The following RIT2 variants were observed in gnomAD, a reference collection of about 807,000 sequenced individuals.
The protein encoded by RIT2 is GTP-binding protein Rit2.
RIT2 carries 24 observed loss-of-function variants against 23.7 expected under a neutral mutation model. The observed-to-expected ratio is 1.01, with a 90% CI of 0.73 to 1.43. The LOEUF is 1.43. RIT2 is among the 40% of genes most tolerant of loss of function. The probability of loss-of-function intolerance (pLI) is 0.00; values close to 1 mark genes in which losing one functional copy is unlikely to be tolerated. For synonymous variants in RIT2, 107 were observed against 91.1 expected (o/e 1.17, Z -0.99); for missense variants, 236 against 266.9 (o/e 0.88, Z 0.81).
At chr18:42,825,187 A>G in intron 4 of RIT2, among the ~76,000 whole-genome samples, 1 of 152,040 alleles carries the variant, frequency 6.6e-6, no homozygotes, top group South Asian at 2.1e-4. Context: ...TATAATCTCT[A>G]AAGACAAAAT....
chr18:42,930,984 G>A (rs1909311407), intron 3 of RIT2, among the ~76,000 whole-genome samples: 1 of 152,010 alleles, frequency 6.6e-6, no homozygotes, highest in East Asian at 1.9e-4. Context: ...TTCTAGTTTT[G>A]TTCTCTTTTG....
At position 42,920,769 on chromosome 18, in the gene RIT2, G is replaced by C. The variant is rs370922175; in HGVS notation, c.426+2803C>G. The stretch of plus-strand genomic sequence containing the variant: ...AACTCTTTCAGTGTAGGCTGATAAG[G>C]AATAAGAATTGCTTAGTGAGAATCC... On this transcript the variant is annotated intron_variant, in intron 4 of 4. Coordinates refer to ENST00000326695, the MANE Select transcript of RIT2 (RefSeq NM_002930.4). The C allele has an allele frequency of 7.5e-5, 118 of 1,580,676 alleles. No homozygotes were observed. In the African/African-American group the frequency reaches 1.4e-3, roughly 19 times the overall value.
intron 4 of RIT2, among the ~76,000 whole-genome samples, chr18:42,806,509 A>AT (rs1376888939): frequency 6.6e-6 from 1 of 152,118 alleles, no homozygotes; most frequent in Admixed American, 6.6e-5. Flanking sequence ...TTTTACTTTT[A>AT]TTTTTTTCAG....
intron 2 of RIT2, among the ~76,000 whole-genome samples, chr18:42,996,722 G>A (rs527757348): frequency 2.6e-5 from 4 of 151,256 alleles, no homozygotes; most frequent in South Asian, 4.2e-4. Flanking sequence ...CTCTTTTTTC[G>A]GACTCAGCCT....
At chr18:42,817,434 G>A (rs1393562200) in intron 4 of RIT2, among the ~76,000 whole-genome samples, 3 of 152,094 alleles carry the variant, frequency 2.0e-5, no homozygotes, top group African/African-American at 7.2e-5. Context: ...ATTGGATAAT[G>A]TTCATGTAGG....
At chr18:43,042,047 T>C (rs886204186) in intron 1 of RIT2, among the ~76,000 whole-genome samples, 3 of 152,170 alleles carry the variant, frequency 2.0e-5, no homozygotes, top group Admixed American at 6.6e-5. Context: ...ATTTAGAGAA[T>C]AATACAATCT....
chr18:42,855,906 A>T (rs545598091), intron 4 of RIT2, among the ~76,000 whole-genome samples: 1 of 152,016 alleles, frequency 6.6e-6, no homozygotes, highest in East Asian at 1.9e-4. Context: ...AAATTTTAGT[A>T]TTTTTTTTAA....
At chr18:42,767,710 C>A (rs1221544151) in intron 4 of RIT2, among the ~76,000 whole-genome samples, 1 of 152,114 alleles carries the variant, frequency 6.6e-6, no homozygotes, top group African/African-American at 2.4e-5. Flanking sequence ...CAGATCTCAA[C>A]TTGAATTGTA....
intron 4 of RIT2, among the ~76,000 whole-genome samples, chr18:42,815,198 C>G (rs959212349): frequency 5.3e-5 from 8 of 152,134 alleles, no homozygotes; most frequent in Admixed American, 2.6e-4. Flanking sequence ...AGAGAGAATT[C>G]AGGAGGTTAC....
chr18:43,035,497 C>A (rs1911953423), intron 1 of RIT2, among the ~76,000 whole-genome samples: 1 of 152,130 alleles, frequency 6.6e-6, no homozygotes, highest in Non-Finnish European at 1.5e-5. Flanking sequence ...CAGTCAGGCT[C>A]CTCTGAACCC....
intron 4 of RIT2, among the ~76,000 whole-genome samples, chr18:42,908,504 C>A (rs958712224): frequency 1.3e-5 from 2 of 152,130 alleles, no homozygotes; most frequent in African/African-American, 2.4e-5. Flanking sequence ...TAATTAAACT[C>A]TTGAAAACTA....
chr18:42,890,419 C>T (rs1908139995), intron 4 of RIT2, among the ~76,000 whole-genome samples: 1 of 146,340 alleles, frequency 6.8e-6, no homozygotes, highest in Non-Finnish European at 1.5e-5. Flanking sequence ...AGCTTAAACT[C>T]TATTTGGCAA....
chr18:42,967,514 C>T (rs550745521), intron 3 of RIT2, among the ~76,000 whole-genome samples: 28 of 149,548 alleles, frequency 1.9e-4, no homozygotes, highest in Non-Finnish European at 2.2e-4. Context: ...GTATTACAGA[C>T]GCCCGCCACC....
intron 3 of RIT2, among the ~76,000 whole-genome samples, chr18:42,940,683 T>A (rs518023): frequency 6.6e-6 from 1 of 151,904 alleles, no homozygotes; most frequent in Non-Finnish European, 1.5e-5. Flanking sequence ...TTTTATTTTT[T>A]AAAAAGAATA....
chr18:42,992,455 C>T (rs1910875213), intron 2 of RIT2, among the ~76,000 whole-genome samples: 1 of 152,122 alleles, frequency 6.6e-6, no homozygotes, highest in Non-Finnish European at 1.5e-5. Context: ...TTCCTTCCCT[C>T]CCACCTGTCC....
chr18:43,044,219 T>A (rs556396098), intron 1 of RIT2, among the ~76,000 whole-genome samples: 2 of 152,334 alleles, frequency 1.3e-5, no homozygotes, highest in Admixed American at 1.3e-4. Context: ...GTTGATCTTC[T>A]GTACTGAAAG....
intron 4 of RIT2, among the ~76,000 whole-genome samples, chr18:42,806,124 TA>T (rs1568000772): frequency 3.4e-5 from 5 of 146,272 alleles, no homozygotes; most frequent in African/African-American, 7.6e-5. Flanking sequence ...TATATATATA[TA>T]TATATTTTAC....
chr18:42,868,592 G>C (rs1299060867), intron 4 of RIT2, among the ~76,000 whole-genome samples: 1 of 152,138 alleles, frequency 6.6e-6, no homozygotes, highest in Non-Finnish European at 1.5e-5. Context: ...CACTGTGGAT[G>C]CTCTTTACTA....
intron 3 of RIT2, among the ~76,000 whole-genome samples, chr18:42,929,550 A>G (rs904537303): frequency 2.6e-5 from 4 of 152,152 alleles, no homozygotes; most frequent in African/African-American, 9.7e-5. Context: ...AACTATAATG[A>G]TGGCTCCTGG....
Sources: gnomAD v4.1 joint callset for allele counts (sites outside exome capture counted in the v4.1 genomes callset) on GRCh38, gnomAD v4.1.1 for gene constraint, MANE v1.5 for transcripts, NCBI Gene and HGNC (gene_info 2026-07-23, HGNC 2026-07-21) for gene names.